Variants in PPME1 observed in about 807,000 individuals in gnomAD.
PPME1 encodes the protein testicular secretory protein Li 39.
A neutral mutation model predicts 56.9 loss-of-function variants in PPME1; 17 were observed. That is an observed-to-expected ratio of 0.30 (90% CI 0.20 to 0.45). The LOEUF is 0.45. Ranked by LOEUF, PPME1 falls within the 20% of genes least tolerant of loss-of-function variation. The probability of loss-of-function intolerance (pLI) is 1.00; values close to 1 mark genes in which losing one functional copy is unlikely to be tolerated. For synonymous variants in PPME1, 122 were observed against 156.2 expected (o/e 0.78, Z 1.63); for missense variants, 357 against 483.2 (o/e 0.74, Z 2.45).
intron 8 of PPME1, 195 bp from the exon 9 acceptor site, chr11:74,238,938 C>A (rs1859270880): frequency 1.9e-6 from 1 of 533,226 alleles, no homozygotes; most frequent in Admixed American, 3.3e-5. Context: ...GAACTGGAAA[C>A]CAGCCCTTGG....
chr11:74,210,592 A>T (rs374836289), intron 3 of PPME1, among the ~76,000 whole-genome samples: 1 of 152,054 alleles, frequency 6.6e-6, no homozygotes, highest in African/African-American at 2.4e-5. Context: ...TTACTCTCCT[A>T]CTTCCAAGAG....
At chr11:74,191,474 T>C (rs994290159) in intron 1 of PPME1, among the ~76,000 whole-genome samples, 2 of 152,214 alleles carry the variant, frequency 1.3e-5, no homozygotes, top group Non-Finnish European at 2.9e-5. Flanking sequence ...GAGATTTGCA[T>C]GACTAAAAGG....
intron 1 of PPME1, among the ~76,000 whole-genome samples, chr11:74,183,017 G>T (rs1857581518): frequency 6.6e-6 from 1 of 150,540 alleles, no homozygotes; most frequent in African/African-American, 2.4e-5. Context: ...AAAAGTACGG[G>T]CTGGTGCAGT....
At chr11:74,206,508 A>C (rs1224375540) in intron 3 of PPME1, among the ~76,000 whole-genome samples, 1 of 152,200 alleles carries the variant, frequency 6.6e-6, no homozygotes, top group African/African-American at 2.4e-5. Context: ...AAAGGAACTG[A>C]AAGGGGTTTG....
chr11:74,223,510 A>G (rs1225458282), intron 4 of PPME1, among the ~76,000 whole-genome samples: 1 of 135,520 alleles, frequency 7.4e-6, no homozygotes, highest in Non-Finnish European at 1.5e-5. Flanking sequence ...TCCCTGAGGA[A>G]TCGCCACACT....
chr11:74,186,559 C>T (rs993452075), intron 1 of PPME1, among the ~76,000 whole-genome samples: 1 of 152,150 alleles, frequency 6.6e-6, no homozygotes, highest in Non-Finnish European at 1.5e-5. Flanking sequence ...ATAATAATAG[C>T]TACCCCAGAG....
At chr11:74,214,101 G>A (rs974182892) in intron 3 of PPME1, among the ~76,000 whole-genome samples, 1 of 152,042 alleles carries the variant, frequency 6.6e-6, no homozygotes, top group Non-Finnish European at 1.5e-5. Flanking sequence ...AACAGAGAAG[G>A]AATTCAGAAA....
At position 74,247,142 on chromosome 11, in the gene PPME1, A is replaced by G. The variant is rs772649275; in HGVS notation, c.1009+19A>G. ...ATGCAAGGTAAGTTATCAAGAAATT[A>G]TACCCCTGGACCCTTTTCTGAAGAA... On this transcript the variant is annotated intron_variant, in intron 11 of 13. Coordinates refer to ENST00000328257, the MANE Select transcript of PPME1 (RefSeq NM_016147.3). The G allele has an allele frequency of 6.2e-7, 1 of 1,600,428 alleles. No homozygotes were observed. The highest frequency in any genetic ancestry group is 8.6e-7 in the Non-Finnish European group (1 of 1,168,404).
intron 1 of PPME1, among the ~76,000 whole-genome samples, chr11:74,184,523 A>G (rs995437894): frequency 2.0e-5 from 3 of 152,158 alleles, no homozygotes; most frequent in Admixed American, 2.0e-4. Flanking sequence ...TAATTAGAGG[A>G]TTTGTACTTT....
At chr11:74,248,504 CAT>C (rs1219366101) in intron 11 of PPME1, 1 of 152,226 alleles carries the variant, frequency 6.6e-6, no homozygotes, top group East Asian at 1.9e-4. Context: ...AAGGCTCTCA[CAT>C]ATAAAACTCT....
intron 11 of PPME1, chr11:74,250,508 C>T (rs1859629786): frequency 6.3e-6 from 1 of 158,786 alleles, no homozygotes; most frequent in African/African-American, 2.4e-5. Context: ...CCATGCCAAG[C>T]TTCTTGTATT....
In PPME1 at chr11:74,225,232, A is replaced by ATCTG; in HGVS notation, c.379_382dup (p.Ala128ValfsTer14). Reference sequence around the variant, plus strand: ...GAAACAAAGGTCAAGAATCCTGAAGATCTGTCTGCAGAAACAATGGCAAAG... The same window carrying ATCTG: ...GAAACAAAGGTCAAGAATCCTGAAGATCTGTCTGTCTGCAGAAACAATGGCAAAG... On this transcript the variant is annotated frameshift_variant, in exon 5 of 14. Coordinates refer to ENST00000328257, the MANE Select transcript of PPME1 (RefSeq NM_016147.3). LOFTEE classifies it high-confidence loss of function. 6.4e-7 allele frequency: 1 copy of ATCTG among 1,570,510 alleles called. No individual in the cohort carries two copies. Among genetic ancestry groups the ATCTG allele is most frequent in the Non-Finnish European group, 8.7e-7 (1 of 1,155,664 alleles).
chr11:74,200,360 TGTG>T (rs1352387079), intron 1 of PPME1, among the ~76,000 whole-genome samples: 12 of 3,238 alleles, frequency 3.7e-3, no homozygotes, highest in Admixed American at 0.033. Flanking sequence ...ATGTGTTTTG[TGTG>T]TGTGTGTGTG....
At position 74,254,506 on chromosome 11, in the gene PPME1, C is replaced by T. The variant is rs1859784376; in HGVS notation, c.*996C>T. 1 of 153,018 alleles carries T rather than the reference C, an allele frequency of 6.5e-6. No homozygotes were observed. The allele number at this position is 153,018 out of a possible 1,614,324, so 9.5% of individuals were successfully genotyped here. A position where few individuals can be genotyped will look rare whatever the true frequency, so the allele number is the denominator to read the frequency against. On this transcript the variant is annotated 3_prime_UTR_variant, in exon 14 of 14. Coordinates refer to ENST00000328257, the MANE Select transcript of PPME1 (RefSeq NM_016147.3). ...GCCTGTCCCTATTGCCCAGGCACGC[C>T]ATTTCCAAGGGCAGGAAGGGGCAGT...
At chr11:74,253,193 A>G (rs569026129) in intron 13 of PPME1, among the ~76,000 whole-genome samples, 1 of 152,326 alleles carries the variant, frequency 6.6e-6, no homozygotes, top group African/African-American at 2.4e-5. Flanking sequence ...CGACACCCCT[A>G]TGCTGAGCCA....
At position 74,203,952 on chromosome 11, in the gene PPME1, G is replaced by A. The variant is rs540301640; in HGVS notation, c.195+131G>A. 8.5e-5 allele frequency: 54 copies of A among 633,208 alleles called. 1 individual carries two copies. In the East Asian group the frequency reaches 1.6e-3, roughly 19 times the overall value. 39.2% of individuals were successfully genotyped at this position (633,208 alleles called of 1,614,324 possible). A position where few individuals can be genotyped will look rare whatever the true frequency, so the allele number is the denominator to read the frequency against. Reference sequence around the variant, plus strand: ...CCTTATTCCTCACTTGTTCTTTATGGAATATTGCCTGGAAGTCCATGCCAA... The same window carrying A: ...CCTTATTCCTCACTTGTTCTTTATGAAATATTGCCTGGAAGTCCATGCCAA... On this transcript the variant is annotated intron_variant, in intron 2 of 13. Transcript: ENST00000328257.
At chr11:74,200,153 A>G (rs1240690459) in intron 1 of PPME1, among the ~76,000 whole-genome samples, 4 of 152,276 alleles carry the variant, frequency 2.6e-5, no homozygotes, top group Non-Finnish European at 5.9e-5. Context: ...TACACAAACT[A>G]TAATGACTAT....
At chr11:74,197,769 G>T (rs915535556) in intron 1 of PPME1, among the ~76,000 whole-genome samples, 8 of 152,104 alleles carry the variant, frequency 5.3e-5, no homozygotes, top group Admixed American at 4.6e-4. Context: ...ATAGGCTAAG[G>T]GTTCTTAATT....
chr11:74,247,033 C>A, intron 10 of PPME1, 46 bp from the exon 11 acceptor site: 1 of 1,506,976 alleles, frequency 6.6e-7, no homozygotes, highest in Non-Finnish European at 9.2e-7. Flanking sequence ...TTACTTAATA[C>A]GTGAACAGCA....
Sources: gnomAD v4.1 joint callset for allele counts (sites outside exome capture counted in the v4.1 genomes callset) on GRCh38, gnomAD v4.1.1 for gene constraint, MANE v1.5 for transcripts, NCBI Gene and HGNC (gene_info 2026-07-23, HGNC 2026-07-21) for gene names.